The following SLC12A2 variants were observed in gnomAD, a reference collection of about 807,000 sequenced individuals.
SLC12A2 encodes the protein Na-K-2Cl cotransporter 1.
SLC12A2 carries 67 observed loss-of-function variants against 136.3 expected under a neutral mutation model. The observed-to-expected ratio is 0.49, with a 90% confidence interval of 0.40 to 0.60. SLC12A2 has a LOEUF of 0.60. SLC12A2 is among the 20% of genes least tolerant of loss of function. SLC12A2 has a pLI of 0.00. For missense variants in SLC12A2, 1,322 were observed against 1,534.7 expected, an observed-to-expected ratio of 0.86 and a Z score of 2.32; for synonymous variants, 619 against 562.9, an observed-to-expected ratio of 1.10 and a Z score of -1.41.
At chr5:128,085,408 C>T (rs573150403) in intron 1 of SLC12A2, among the ~76,000 whole-genome samples, 1 of 152,078 alleles carries the variant, frequency 6.6e-6, no homozygotes, top group East Asian at 1.9e-4. Flanking sequence ...ATTGGTTTTT[C>T]TGTAGAGGAT....
intron 21 of SLC12A2, among the ~76,000 whole-genome samples, chr5:128,177,398 A>T (rs1763571419): frequency 6.6e-6 from 1 of 152,154 alleles, no homozygotes; most frequent in South Asian, 2.1e-4. Context: ...AGACCCAGAC[A>T]GCCGGTATTA....
At chr5:128,158,218 G>T in intron 16 of SLC12A2, 54 bp downstream of exon 16, 1 of 1,331,474 alleles carries the variant, frequency 7.5e-7, no homozygotes, top group Non-Finnish European at 1.1e-6. Flanking sequence ...TTTTATTTTA[G>T]GTTCAGGAAT....
At chr5:128,111,338 A>G (rs975759636) in intron 1 of SLC12A2, among the ~76,000 whole-genome samples, 1 of 152,222 alleles carries the variant, frequency 6.6e-6, no homozygotes, top group Non-Finnish European at 1.5e-5. Context: ...GCATATAGCA[A>G]TATTGCATTA....
At chr5:128,143,546 A>C (rs1454847484) in intron 10 of SLC12A2, among the ~76,000 whole-genome samples, 3 of 152,272 alleles carry the variant, frequency 2.0e-5, no homozygotes, top group Non-Finnish European at 4.4e-5. Context: ...TGCCAGATTT[A>C]TGAGTTTTTA....
intron 10 of SLC12A2, among the ~76,000 whole-genome samples, chr5:128,146,175 C>T (rs544501779): frequency 6.6e-6 from 1 of 151,790 alleles, no homozygotes; most frequent in Admixed American, 6.6e-5. Flanking sequence ...CATCATGACA[C>T]GACGATCATT....
chr5:128,163,286 T>C (rs1315209963), intron 17 of SLC12A2, among the ~76,000 whole-genome samples: 1 of 152,164 alleles, frequency 6.6e-6, no homozygotes, highest in Non-Finnish European at 1.5e-5. Flanking sequence ...CTTAGCACTT[T>C]GGGAGACTGT....
chr5:128,085,313 T>A (rs1236418043), intron 1 of SLC12A2, among the ~76,000 whole-genome samples: 1 of 151,964 alleles, frequency 6.6e-6, no homozygotes, highest in African/African-American at 2.4e-5. Context: ...TCTTTTTTTT[T>A]GCGATGAAAA....
intron 4 of SLC12A2, among the ~76,000 whole-genome samples, chr5:128,119,853 C>A (rs1761488606): frequency 6.6e-6 from 1 of 152,126 alleles, no homozygotes; most frequent in African/African-American, 2.4e-5. Context: ...CCAAAATTGA[C>A]AAATGGGATC....
intron 1 of SLC12A2, chr5:128,110,001 G>A (rs752122232): frequency 8.4e-6 from 9 of 1,069,130 alleles, no homozygotes; most frequent in Non-Finnish European, 1.2e-5. Flanking sequence ...TGTGGATCCA[G>A]AAAAGATTGC....
At chr5:128,176,578 A>G (rs1400512996) in intron 20 of SLC12A2, among the ~76,000 whole-genome samples, 7 of 152,148 alleles carry the variant, frequency 4.6e-5, no homozygotes, top group African/African-American at 9.6e-5. Flanking sequence ...TCACTCCTGT[A>G]TAACCTGGCA....
intron 1 of SLC12A2, among the ~76,000 whole-genome samples, chr5:128,092,587 C>T (rs759358932): frequency 5.3e-5 from 8 of 152,132 alleles, no homozygotes; most frequent in Non-Finnish European, 1.2e-4. Flanking sequence ...TTATTTGACA[C>T]TGTGTCTAAA....
At chr5:128,170,422 C>T (rs1180503118) in intron 18 of SLC12A2, 1 of 152,130 alleles carries the variant, frequency 6.6e-6, no homozygotes, top group Admixed American at 6.6e-5. Context: ...TTAAAAACAA[C>T]AAAAGACCTT....
chr5:128,091,808 A>C (rs1384560088), intron 1 of SLC12A2, among the ~76,000 whole-genome samples: 1 of 152,208 alleles, frequency 6.6e-6, no homozygotes, highest in Non-Finnish European at 1.5e-5. Context: ...TAGTACACTC[A>C]TAGTATCATT....
intron 18 of SLC12A2, chr5:128,170,311 T>A (rs1040859574): frequency 6.6e-6 from 1 of 152,216 alleles, no homozygotes; most frequent in East Asian, 1.9e-4. Context: ...TCTTTCAAGA[T>A]ACAGCTGAGA....
At chr5:128,105,663 G>A (rs565856950) in intron 1 of SLC12A2, among the ~76,000 whole-genome samples, 1 of 152,226 alleles carries the variant, frequency 6.6e-6, no homozygotes, top group South Asian at 2.1e-4. Flanking sequence ...TCAAGTTGAG[G>A]TGGAAATTTG....
intron 1 of SLC12A2, among the ~76,000 whole-genome samples, chr5:128,094,180 C>G (rs1318612885): frequency 1.3e-5 from 2 of 150,852 alleles, no homozygotes; most frequent in Non-Finnish European, 3.0e-5. Flanking sequence ...ACTTCAAGCT[C>G]CATGAGAAGC....
chr5:128,153,957 T>TG (rs1427193602), intron 15 of SLC12A2, among the ~76,000 whole-genome samples: 1 of 151,850 alleles, frequency 6.6e-6, no homozygotes, highest in Non-Finnish European at 1.5e-5. Flanking sequence ...TGGATAGTGA[T>TG]GTCAAGGATG....
intron 10 of SLC12A2, among the ~76,000 whole-genome samples, chr5:128,145,683 A>G (rs753124015): frequency 6.6e-6 from 1 of 152,058 alleles, no homozygotes; most frequent in Non-Finnish European, 1.5e-5. Context: ...GATCTAGGGA[A>G]AGATGTTTAG....
At chr5:128,110,692 C>T (rs1407532016) in intron 1 of SLC12A2, 18 of 1,413,274 alleles carry the variant, frequency 1.3e-5, no homozygotes, top group Admixed American at 1.7e-5. Context: ...ACAATGAGCT[C>T]TGCAGCCCTG....
Sources: allele counts gnomAD v4.1 joint callset (sites outside exome capture counted in the v4.1 genomes callset), GRCh38; gene constraint gnomAD v4.1.1; transcripts MANE v1.5; gene names NCBI Gene and HGNC (gene_info 2026-07-23, HGNC 2026-07-21).